PARD3B: variants seen among roughly 807,000 people sequenced by gnomAD.
PARD3B encodes the protein partitioning defective 3 homolog B.
Under a neutral mutation model 130.2 loss-of-function variants are expected in PARD3B, and 103 were observed. The observed-to-expected ratio is 0.79, with a 90% confidence interval of 0.67 to 0.93. PARD3B has a LOEUF of 0.93. Ranked by LOEUF, PARD3B falls within the 40% of genes least tolerant of loss-of-function variation. The pLI is 0.00. For synonymous variants in PARD3B, 583 were observed against 553.2 expected, an observed-to-expected ratio of 1.05 and a Z score of -0.76; for missense variants, 1,609 against 1,499.2, an observed-to-expected ratio of 1.07 and a Z score of -1.21.
rs2042914065 is a variant in PARD3B at position 205,325,641 on chromosome 2, C to T, written c.2630+23940C>T. The stretch of plus-strand genomic sequence containing the variant: ...ACCCCAGGGCTAAGTGATCCTCCCA[C>T]CTCAGCCTCCCAAATAGCTGGGATT... On this transcript the variant is annotated intron_variant, in intron 18 of 22. Coordinates refer to ENST00000406610, the MANE Select transcript of PARD3B (RefSeq NM_001302769.2). This position sits in a 1 kb window ranked among gnomAD's most constrained non-coding sequence, Gnocchi z 4.1. Among the ~76,000 whole-genome samples, 1 of 152,122 alleles carries T rather than the reference C, an allele frequency of 6.6e-6. No individual in the cohort carries two copies. The highest frequency in any genetic ancestry group is 2.4e-5 in the African/African-American group (1 of 41,440).
At chr2:205,198,830 G>C (rs1574361899) in intron 15 of PARD3B, among the ~76,000 whole-genome samples, 1 of 151,834 alleles carries the variant, frequency 6.6e-6, no homozygotes, top group Non-Finnish European at 1.5e-5. Flanking sequence ...TAATAAGTGT[G>C]ATGCTGGTTT....
chr2:205,166,110 A>G (rs1434163), intron 11 of PARD3B, among the ~76,000 whole-genome samples: 55,891 of 152,016 alleles, frequency 0.37, 10,560 homozygotes, highest in Middle Eastern at 0.5. Flanking sequence ...AGTGAGTTAG[A>G]CAACAGTGTA....
rs371904121 is a variant in PARD3B, at chr2:205,168,320, A to AGAGTGT, written c.1621-3890_1621-3889insAGTGTG. ...GAGAGAGAGAGAGAGAGAGAGAGAG[A>AGAGTGT]GTGTGTGTGTGTGAATATTGCAAGC... On this transcript the variant is annotated intron_variant, in intron 11 of 22. Transcript: ENST00000406610. Among the ~76,000 whole-genome samples, 111 of 119,738 alleles carry AGAGTGT rather than the reference A, an allele frequency of 9.3e-4. 1 individual carries two copies. The highest frequency in any genetic ancestry group is 1.9e-3 in the African/African-American group (55 of 29,644). 78.6% of individuals were successfully genotyped at this position (119,738 alleles called of 152,430 possible).
At chr2:204,950,656 T>C (rs533749206) in intron 2 of PARD3B, among the ~76,000 whole-genome samples, 1 of 152,292 alleles carries the variant, frequency 6.6e-6, no homozygotes, top group South Asian at 2.1e-4. Flanking sequence ...TTTCAGTTCT[T>C]TCGTATTTAA....
Position 205,614,210 on chromosome 2 carries a change from G to A in PARD3B, c.3261-1246G>A, listed in dbSNP as rs920359753. Among the ~76,000 whole-genome samples the A allele has an allele frequency of 2.6e-5, 4 of 152,264 alleles. No individual in the cohort carries two copies. The South Asian group carries it at 6.2e-4, about 24-fold the overall frequency. On this transcript the variant is annotated intron_variant, in intron 22 of 22. Coordinates refer to ENST00000406610, the MANE Select transcript of PARD3B (RefSeq NM_001302769.2). ...GCACACTGCTTCTGTTATGGCAAAC[G>A]GATCAGAAGATGCTTGTTTTCTTTA...
intron 3 of PARD3B, among the ~76,000 whole-genome samples, chr2:204,996,364 C>G (rs994092276): frequency 1.1e-4 from 16 of 152,114 alleles, no homozygotes; most frequent in Admixed American, 6.5e-4. Context: ...TGTGCCCCTG[C>G]TGGGGGGTGC....
intron 2 of PARD3B, among the ~76,000 whole-genome samples, chr2:204,904,562 GA>G (rs1246601461): frequency 6.6e-6 from 1 of 151,856 alleles, no homozygotes; most frequent in East Asian, 1.9e-4. Flanking sequence ...AATTAAAAAT[GA>G]AAAAAATTAA....
chr2:204,572,784 G>A (rs1313093870), intron 1 of PARD3B, among the ~76,000 whole-genome samples: 5 of 152,220 alleles, frequency 3.3e-5, no homozygotes, highest in East Asian at 1.9e-4. Context: ...GCTGGCAAAC[G>A]TGTCAGAAAC....
At chr2:204,559,876 C>T (rs1049510740) in intron 1 of PARD3B, among the ~76,000 whole-genome samples, 3 of 152,152 alleles carry the variant, frequency 2.0e-5, no homozygotes, top group African/African-American at 7.2e-5. Flanking sequence ...GGGTGAGTTC[C>T]TATTCTTTGC....
chr2:205,038,470 A>G (rs1221007567), intron 3 of PARD3B, among the ~76,000 whole-genome samples: 1 of 152,182 alleles, frequency 6.6e-6, no homozygotes, highest in Non-Finnish European at 1.5e-5. Context: ...GCAAATTTAT[A>G]TTGTAAAGTA....
In PARD3B at chr2:205,119,064, G is replaced by GT. The variant is rs1209545083; in HGVS notation, c.806+22dup. 6.3e-7 allele frequency: 1 copy of GT among 1,588,298 alleles called. No individual in the cohort carries two copies. Among genetic ancestry groups the GT allele is most frequent in the Non-Finnish European group, 8.5e-7 (1 of 1,169,844 alleles). On this transcript the variant is annotated intron_variant, in intron 7 of 22. Transcript: ENST00000406610. The stretch of plus-strand genomic sequence containing the variant: ...TTTGCTCAGTAAGCATTTTTTCATT[G>GT]TTTTATTTACTTTCTTGATCCCTAG...
At chr2:205,361,058 T>C (rs1029473011) in intron 18 of PARD3B, among the ~76,000 whole-genome samples, 2 of 152,114 alleles carry the variant, frequency 1.3e-5, no homozygotes, top group Non-Finnish European at 2.9e-5. Flanking sequence ...GTTGACTTTG[T>C]CCATGTTTGT....
chr2:205,236,319 A>G (rs1356953461), intron 15 of PARD3B, among the ~76,000 whole-genome samples: 1 of 152,190 alleles, frequency 6.6e-6, no homozygotes, highest in African/African-American at 2.4e-5. Context: ...AAGAGGAGTG[A>G]ATATTTCCCC....
chr2:204,711,011 A>G (rs183097308), intron 2 of PARD3B, among the ~76,000 whole-genome samples: 479 of 152,352 alleles, frequency 3.1e-3, no homozygotes, highest in Middle Eastern at 0.014. Context: ...GTGCCTTTGT[A>G]GAATTAAGCA....
At chr2:204,852,517 A>C (rs2044749867) in intron 2 of PARD3B, among the ~76,000 whole-genome samples, 1 of 151,040 alleles carries the variant, frequency 6.6e-6, no homozygotes, top group African/African-American at 2.5e-5. Flanking sequence ...ATAAACATGA[A>C]GTAAAAAAAT....
rs950215556 is a variant in PARD3B at position 204,545,656 on chromosome 2, G to A, written c.-344G>A. On this transcript the variant is annotated 5_prime_UTR_variant, in exon 1 of 23. Transcript: ENST00000406610. ...CCAGGACCAGCGACAGGGCAGGGCC[G>A]GCAGTTTCGCTTTGGTGGGCGCGGA... 3.5e-5 allele frequency: 7 copies of A among 201,182 alleles called. No homozygotes were observed. The highest frequency in any genetic ancestry group is 1.4e-4 in the African/African-American group (6 of 42,510). The allele number at this position is 201,182 out of a possible 1,614,324, so 12.5% of individuals were successfully genotyped here.
At chr2:204,730,915 G>A (rs2039483375) in intron 2 of PARD3B, among the ~76,000 whole-genome samples, 1 of 152,166 alleles carries the variant, frequency 6.6e-6, no homozygotes, top group Non-Finnish European at 1.5e-5. Context: ...GACTTCCTTA[G>A]CATAGAATGT....
In PARD3B at chr2:205,364,955, AC is replaced by A. The variant is rs2044544511; in HGVS notation, c.2631-36057del. On this transcript the variant is annotated intron_variant, in intron 18 of 22. Coordinates refer to ENST00000406610, the MANE Select transcript of PARD3B (RefSeq NM_001302769.2). ...GGTGGCTCACGCCTGTAATCCCAGC[AC>A]TTTGAGAGGCCAAGGCGAGTAGATC... is the stretch of plus-strand genomic sequence containing the variant. 2.0e-5 allele frequency among the ~76,000 whole-genome samples: 3 copies of A among 151,972 alleles called. No individual in the cohort carries two copies. The South Asian group carries it at 6.2e-4, about 31-fold the overall frequency.
At chr2:204,952,555 A>G (rs1414290409) in intron 2 of PARD3B, among the ~76,000 whole-genome samples, 1 of 152,194 alleles carries the variant, frequency 6.6e-6, no homozygotes, top group African/African-American at 2.4e-5. Context: ...CAAAAAATAA[A>G]TTTGCAAAAA....
Sources: allele counts gnomAD v4.1 joint callset (sites outside exome capture counted in the v4.1 genomes callset), GRCh38; gene constraint gnomAD v4.1.1; non-coding constraint Gnocchi (gnomAD v3.1); transcripts MANE v1.5; gene names NCBI Gene and HGNC (gene_info 2026-07-23, HGNC 2026-07-21).